NCAM2: variants seen among roughly 807,000 people sequenced by gnomAD.
NCAM2 encodes neural cell adhesion molecule 2.
In NCAM2, 30 loss-of-function variants were observed where a neutral mutation model predicts 98.1. That is an observed-to-expected ratio of 0.31 (90% CI 0.23 to 0.41). The LOEUF (loss-of-function observed/expected upper bound fraction) is 0.41, where lower values mean the gene tolerates loss of function less well. Among genes scored for constraint, NCAM2 ranks in the 10% least tolerant of loss-of-function variants. NCAM2 has a pLI of 1.00. For synonymous variants in NCAM2, 368 were observed against 342.4 expected (o/e 1.07, Z -0.83); for missense variants, 867 against 1,005.8 (o/e 0.86, Z 1.87).
At chr21:21,484,823 T>G (rs1009678713) in intron 15 of NCAM2, among the ~76,000 whole-genome samples, 1 of 152,178 alleles carries the variant, frequency 6.6e-6, no homozygotes. Flanking sequence ...CATAACATAC[T>G]TTATTCTAAA....
chr21:21,052,085 A>G (rs1453502316), intron 1 of NCAM2, among the ~76,000 whole-genome samples: 2 of 151,792 alleles, frequency 1.3e-5, no homozygotes, highest in African/African-American at 2.4e-5. Context: ...CAGTGTGCAC[A>G]GTACAGAATT....
chr21:21,078,659 A>G (rs188369083), intron 1 of NCAM2, among the ~76,000 whole-genome samples: 304 of 152,334 alleles, frequency 2.0e-3, no homozygotes, highest in Non-Finnish European at 3.1e-3. Flanking sequence ...CAGCAATACC[A>G]TTTGACCCAG....
intron 1 of NCAM2, among the ~76,000 whole-genome samples, chr21:21,026,575 A>C (rs2064550046): frequency 6.6e-6 from 1 of 151,772 alleles, no homozygotes; most frequent in African/African-American, 2.4e-5. Flanking sequence ...CAGTGAGCTG[A>C]GATGGCACCC....
chr21:21,030,555 C>T (rs193081855), intron 1 of NCAM2, among the ~76,000 whole-genome samples: 1 of 152,308 alleles, frequency 6.6e-6, no homozygotes, highest in Admixed American at 6.5e-5. Context: ...CTTAATCACT[C>T]CTGCAAAGTC....
rs2072218569 is a variant in NCAM2, at chr21:21,265,450, AC to A, written c.56-15127del. Among the ~76,000 whole-genome samples, 17 of 134,680 alleles carry A rather than the reference AC, an allele frequency of 1.3e-4. 6 individuals carry two copies. The highest frequency in any genetic ancestry group is 4.1e-4 in the East Asian group (2 of 4,852). The allele number at this position is 134,680 out of a possible 152,430, so 88.4% of individuals were successfully genotyped here. A position where few individuals can be genotyped will look rare whatever the true frequency, so the allele number is the denominator to read the frequency against. On this transcript the variant is annotated intron_variant, in intron 1 of 17. Coordinates refer to ENST00000400546, the MANE Select transcript of NCAM2 (RefSeq NM_004540.5). ...GTGTGTATATATATTATATATACAC[AC>A]ATATATAATATATGTGTGTATATAT... is the stretch of plus-strand genomic sequence containing the variant.
At chr21:21,065,382 G>T (rs75856502) in intron 1 of NCAM2, among the ~76,000 whole-genome samples, 5,630 of 151,694 alleles carry the variant, frequency 0.037, 325 homozygotes, top group African/African-American at 0.13. Context: ...TTTATTGCTT[G>T]TACTTATATC....
intron 1 of NCAM2, among the ~76,000 whole-genome samples, chr21:21,165,298 C>T (rs2067914516): frequency 6.6e-6 from 1 of 152,132 alleles, no homozygotes; most frequent in Non-Finnish European, 1.5e-5. Context: ...TTCCTCTGAG[C>T]TTGGGTGTCC....
At chr21:21,307,061 A>T (rs1026223486) in intron 5 of NCAM2, among the ~76,000 whole-genome samples, 2 of 7,632 alleles carry the variant, frequency 2.6e-4, no homozygotes, top group African/African-American at 1.1e-3. Flanking sequence ...GGATGTGTAC[A>T]GTTGTGGTTT....
intron 13 of NCAM2, 28 bp from the exon 14 acceptor site, chr21:21,468,634 A>C (rs188061925): frequency 4.8e-5 from 76 of 1,586,546 alleles, no homozygotes; most frequent in Non-Finnish European, 6.3e-5. Flanking sequence ...ATGTGTGCAA[A>C]TGAAGAAATG....
intron 16 of NCAM2, among the ~76,000 whole-genome samples, chr21:21,531,861 T>C (rs934908598): frequency 7.9e-4 from 116 of 146,236 alleles, no homozygotes; most frequent in East Asian, 2.8e-3. Flanking sequence ...GGCGTGGTGG[T>C]GGGCGCCTGT....
intron 1 of NCAM2, among the ~76,000 whole-genome samples, chr21:21,185,628 C>CT (rs2068615418): frequency 6.6e-6 from 1 of 152,148 alleles, no homozygotes; most frequent in Non-Finnish European, 1.5e-5. Flanking sequence ...GTTGTAGTAT[C>CT]ACCCAGCTGT....
chr21:21,236,911 A>G (rs563139646), intron 1 of NCAM2, among the ~76,000 whole-genome samples: 1 of 152,280 alleles, frequency 6.6e-6, no homozygotes, highest in African/African-American at 2.4e-5. Context: ...TAGGATAGAA[A>G]ACTAGAGTTA....
chr21:21,250,598 A>C (rs1180055800), intron 1 of NCAM2, among the ~76,000 whole-genome samples: 1 of 152,194 alleles, frequency 6.6e-6, no homozygotes, highest in African/African-American at 2.4e-5. Context: ...ACCCCTGCAA[A>C]TCTAAGTGTG....
intron 5 of NCAM2, among the ~76,000 whole-genome samples, chr21:21,298,277 A>G (rs1222480387): frequency 1.3e-5 from 2 of 151,766 alleles, no homozygotes; most frequent in African/African-American, 4.8e-5. Flanking sequence ...TAGTTGAATC[A>G]TGTAATTGAA....
intron 9 of NCAM2, among the ~76,000 whole-genome samples, chr21:21,406,918 G>T (rs528291647): frequency 6.6e-6 from 1 of 152,124 alleles, no homozygotes; most frequent in Admixed American, 6.5e-5. Flanking sequence ...ATATATATGT[G>T]AAAGAATATA....
At chr21:21,169,892 G>A (rs929599287) in intron 1 of NCAM2, among the ~76,000 whole-genome samples, 1 of 152,122 alleles carries the variant, frequency 6.6e-6, no homozygotes, top group Non-Finnish European at 1.5e-5. Context: ...CAGGGAAGTC[G>A]AGGCTGCAGT....
intron 1 of NCAM2, among the ~76,000 whole-genome samples, chr21:21,023,933 T>C (rs2064488800): frequency 6.6e-6 from 1 of 152,216 alleles, no homozygotes; most frequent in Non-Finnish European, 1.5e-5. Flanking sequence ...ATTTTGGCTT[T>C]AATGTCGTAT....
chr21:21,245,483 CACAG>C (rs1197907057), intron 1 of NCAM2, among the ~76,000 whole-genome samples: 1 of 152,156 alleles, frequency 6.6e-6, no homozygotes, highest in Non-Finnish European at 1.5e-5. Context: ...TGTTTTCTCA[CACAG>C]ACAGAAAAGT....
chr21:21,158,611 G>GGA (rs1601527047), intron 1 of NCAM2, among the ~76,000 whole-genome samples: 2 of 7,164 alleles, frequency 2.8e-4, no homozygotes, highest in African/African-American at 1.1e-3. Flanking sequence ...CCCCGCCCCC[G>GGA]CAAAAAAAAA....
Sources: allele counts gnomAD v4.1 joint callset (sites outside exome capture counted in the v4.1 genomes callset), GRCh38; gene constraint gnomAD v4.1.1; transcripts MANE v1.5; gene names NCBI Gene and HGNC (gene_info 2026-07-23, HGNC 2026-07-21).